THAP9: variants seen among roughly 807,000 people sequenced by gnomAD.
THAP9 encodes the protein DNA transposase THAP9.
A neutral mutation model predicts 35.7 loss-of-function variants in THAP9; 20 were observed. That is an observed-to-expected ratio of 0.56 (90% CI 0.39 to 0.81). The LOEUF (loss-of-function observed/expected upper bound fraction) is 0.81. Among genes scored for constraint, THAP9 ranks in the 40% least tolerant of loss-of-function variants. The pLI is 0.00. For missense variants in THAP9, 870 were observed against 1,047.4 expected (o/e 0.83, Z 2.34); for synonymous variants, 335 against 373.7 (o/e 0.90, Z 1.19).
intron 4 of THAP9, chr4:82,909,855 C>T (rs1362052891): frequency 6.6e-6 from 1 of 151,958 alleles, no homozygotes; most frequent in Non-Finnish European, 1.5e-5. Flanking sequence ...GATGGTTGTA[C>T]ATATTCTGGG....
rs1176919973 is a variant in THAP9 at position 82,917,427 on chromosome 4, T to C, written c.1215T>C (p.Ser405=). ...GTACATTTCAGCATCCTTCATCTTCTAGTCAACAGATTGCATACTTCTTTG... is the reference window on the plus strand; with the variant it reads ...GTACATTTCAGCATCCTTCATCTTCCAGTCAACAGATTGCATACTTCTTTG... The part of the protein sequence containing the change: ...MKCTFQHPSS[S]SQQIAYFFDS... Residue 405 remains serine (S), a synonymous_variant, in exon 5 of 5, where the codon TCT becomes TCC. Coordinates refer to ENST00000302236, the MANE Select transcript of THAP9 (RefSeq NM_024672.6). 1 of 1,614,106 alleles carries C rather than the reference T, an allele frequency of 6.2e-7. No individual in the cohort carries two copies. Among genetic ancestry groups the C allele is most frequent in the East Asian group, 2.2e-5 (1 of 44,886 alleles).
intron 2 of THAP9, 69 bp from the exon 3 acceptor site, chr4:82,906,255 G>C (rs1720641281): frequency 7.8e-7 from 1 of 1,281,236 alleles, no homozygotes; most frequent in East Asian, 2.5e-5. Flanking sequence ...TTGTATTTAG[G>C]GTATTTTTAC....
chr4:82,912,889 G>C (rs1194725220), intron 4 of THAP9, among the ~76,000 whole-genome samples: 1 of 152,110 alleles, frequency 6.6e-6, no homozygotes, highest in Non-Finnish European at 1.5e-5. Context: ...CATTTAAAAT[G>C]TTGCTGTAGG....
intron 4 of THAP9, among the ~76,000 whole-genome samples, chr4:82,908,843 G>A (rs565649364): frequency 8.6e-5 from 13 of 151,786 alleles, no homozygotes; most frequent in Middle Eastern, 3.4e-3. Context: ...TGATCTACCC[G>A]CCTTGGCCTC....
chr4:82,906,607 T>C lies in THAP9; in HGVS notation c.560T>C (p.Leu187Pro). 1.3e-6 allele frequency: 2 copies of C among 1,594,802 alleles called. No homozygotes were observed. The highest frequency in any genetic ancestry group is 1.7e-6 in the Non-Finnish European group (2 of 1,170,738). The change falls in exon 3 of 5, where the codon CTG (leucine) becomes CCG (proline). Residue 187 changes from leucine to proline, a missense_variant. Transcript: ENST00000302236. ...EKLLSEETECLLRAQFSDFKW... is the reference protein window; with the variant it reads ...EKLLSEETECPLRAQFSDFKW... Reference sequence around the variant, plus strand: ...CTACTTTCTGAAGAAACAGAGTGTCTGCTACGAGCTCAATTTTCAGGTACT... The same window carrying C: ...CTACTTTCTGAAGAAACAGAGTGTCCGCTACGAGCTCAATTTTCAGGTACT...
intron 2 of THAP9, 95 bp from the exon 3 acceptor site, chr4:82,906,229 C>T: frequency 9.6e-7 from 1 of 1,038,036 alleles, no homozygotes; most frequent in Middle Eastern, 3.3e-4. Flanking sequence ...CTCTCCACAG[C>T]AACCAGATTA....
intron 4 of THAP9, chr4:82,910,714 G>A (rs984148555): frequency 3.4e-6 from 2 of 586,456 alleles, no homozygotes; most frequent in Non-Finnish European, 5.7e-6. Flanking sequence ...CAGTGAGGCA[G>A]GAGGAAAACC....
intron 4 of THAP9, among the ~76,000 whole-genome samples, chr4:82,913,924 A>G (rs1720954324): frequency 1.3e-5 from 2 of 151,686 alleles, no homozygotes; most frequent in African/African-American, 2.4e-5. Context: ...TTTAGTAGAG[A>G]TGGGGTTTCA....
chr4:82,902,461 A>C (rs1243748090), intron 1 of THAP9, among the ~76,000 whole-genome samples: 2 of 152,148 alleles, frequency 1.3e-5, no homozygotes, highest in Non-Finnish European at 2.9e-5. Context: ...GTAACTACTC[A>C]GGTGTCCCAG....
In THAP9 at chr4:82,900,765, G is replaced by C. The variant is rs769852094; in HGVS notation, c.-38G>C. ...TAAAGTGGTCGTGATTCATGCTGTC[G>C]CGGGAACCCCGAAGGTGGGGCCCCA... On this transcript the variant is annotated 5_prime_UTR_variant, in exon 1 of 5. Coordinates refer to ENST00000302236, the MANE Select transcript of THAP9 (RefSeq NM_024672.6). 5.5e-5 allele frequency: 89 copies of C among 1,610,678 alleles called. No homozygotes were observed. The highest frequency in any genetic ancestry group is 6.8e-5 in the Non-Finnish European group (80 of 1,177,622).
chr4:82,904,035 A>G (rs1169743206), intron 1 of THAP9, among the ~76,000 whole-genome samples: 1 of 150,112 alleles, frequency 6.7e-6, no homozygotes, highest in East Asian at 2.0e-4. Context: ...TACTCACTCA[A>G]GGGGAGGGGA....
chr4:82,908,888 G>C (rs930513465), intron 4 of THAP9, among the ~76,000 whole-genome samples: 3 of 150,504 alleles, frequency 2.0e-5, no homozygotes, highest in Non-Finnish European at 3.0e-5. Context: ...GAGCCACCAT[G>C]CCCAGCCTAG....
At chr4:82,912,133 T>A (rs539182152) in intron 4 of THAP9, among the ~76,000 whole-genome samples, 1 of 152,292 alleles carries the variant, frequency 6.6e-6, no homozygotes, top group Non-Finnish European at 1.5e-5. Context: ...CAAAGCTGTG[T>A]TTTTTACAAT....
chr4:82,907,761 G>T (rs753150626), intron 3 of THAP9, 24 bp from the exon 4 acceptor site: 3 of 1,546,186 alleles, frequency 1.9e-6, no homozygotes, highest in African/African-American at 1.4e-5. Context: ...TCATCACAAA[G>T]AATAAAAAAA....
chr4:82,906,553 G>A lies in THAP9; in HGVS notation c.506G>A (p.Arg169Gln), dbSNP rs201920365. The change falls in exon 3 of 5, where the codon CGA becomes CAA. Residue 169 changes from arginine (R) to glutamine (Q), a missense_variant. Coordinates refer to ENST00000302236, the MANE Select transcript of THAP9 (RefSeq NM_024672.6). ...ATGATCAAGAAGAGAAAGGGTTTACGATTAATTGATGCACTTGTAGAAGAG... is the reference window on the plus strand; with the variant it reads ...ATGATCAAGAAGAGAAAGGGTTTACAATTAATTGATGCACTTGTAGAAGAG... Reference protein sequence around the residue: ...YRMIKKRKGLRLIDALVEEKL... With the variant: ...YRMIKKRKGLQLIDALVEEKL... 4.2e-5 allele frequency: 67 copies of A among 1,613,256 alleles called. No homozygotes were observed. Among genetic ancestry groups the A allele is most frequent in the African/African-American group, 5.3e-5 (4 of 74,860 alleles).
At chr4:82,910,331 G>C (rs1720819179) in intron 4 of THAP9, 1 of 152,834 alleles carries the variant, frequency 6.5e-6, no homozygotes, top group Non-Finnish European at 1.5e-5. Flanking sequence ...CATTCAAACA[G>C]TATATAAGTA....
intron 2 of THAP9, among the ~76,000 whole-genome samples, chr4:82,905,585 G>T (rs1348428388): frequency 6.6e-6 from 1 of 152,042 alleles, no homozygotes; most frequent in Admixed American, 6.5e-5. Context: ...CCCCTATTCG[G>T]AAGTATTTAG....
In THAP9 at chr4:82,918,603, G is replaced by T; in HGVS notation, c.2391G>T (p.Leu797Phe). Residue 797 changes from leucine to phenylalanine, a missense_variant, in exon 5 of 5, where the codon TTG (leucine) becomes TTT (phenylalanine). Transcript: ENST00000302236. Reference sequence around the variant, plus strand: ...AACTAGTTTCTAAACAAAGGGAATTGTATCTTCAACAGAAAATATTATGTG... The same window carrying T: ...AACTAGTTTCTAAACAAAGGGAATTTTATCTTCAACAGAAAATATTATGTG... ...IFELVSKQRELYLQQKILCEL... is the reference protein window; with the variant it reads ...IFELVSKQREFYLQQKILCEL... 2 of 1,614,072 alleles carry T rather than the reference G, an allele frequency of 1.2e-6. No individual in the cohort carries two copies. Among genetic ancestry groups the T allele is most frequent in the African/African-American group, 2.7e-5 (2 of 75,050 alleles).
chr4:82,908,325 G>A (rs1227088236), intron 4 of THAP9, among the ~76,000 whole-genome samples: 3 of 152,108 alleles, frequency 2.0e-5, no homozygotes, highest in Non-Finnish European at 4.4e-5. Context: ...TGACGATCCT[G>A]GAAAATCTAG....
Sources: gnomAD v4.1 joint callset for allele counts (sites outside exome capture counted in the v4.1 genomes callset) on GRCh38, gnomAD v4.1.1 for gene constraint, MANE v1.5 for transcripts, NCBI Gene and HGNC (gene_info 2026-07-23, HGNC 2026-07-21) for gene names.